Variants in GLCCI1 observed in about 807,000 individuals in gnomAD.
GLCCI1 encodes the protein glucocorticoid-induced transcript 1 protein.
A neutral mutation model predicts 52.2 loss-of-function variants in GLCCI1; 24 were observed. That is an observed-to-expected ratio of 0.46 (90% CI 0.33 to 0.65). The LOEUF (loss-of-function observed/expected upper bound fraction) is 0.65. Ranked by LOEUF, GLCCI1 falls within the 30% of genes least tolerant of loss-of-function variation. The pLI, the probability that GLCCI1 is intolerant of heterozygous loss-of-function variation, is 0.02. For synonymous variants in GLCCI1, 310 were observed against 276.5 expected (o/e 1.12, Z -1.20); for missense variants, 704 against 701.5 (o/e 1.00, Z -0.04).
intron 3 of GLCCI1, among the ~76,000 whole-genome samples, chr7:8,051,025 GAC>G (rs1782247832): frequency 6.6e-6 from 1 of 152,092 alleles, no homozygotes; most frequent in Non-Finnish European, 1.5e-5. Flanking sequence ...ATTGTTAATT[GAC>G]ACAGTCATCA....
intron 3 of GLCCI1, among the ~76,000 whole-genome samples, chr7:8,026,162 T>G (rs553494643): frequency 6.6e-6 from 1 of 152,168 alleles, no homozygotes. Context: ...ATAGTTTCTA[T>G]TTGACTGATA....
At chr7:7,982,876 A>G (rs1344734624) in intron 1 of GLCCI1, among the ~76,000 whole-genome samples, 1 of 152,102 alleles carries the variant, frequency 6.6e-6, no homozygotes, top group Non-Finnish European at 1.5e-5. Flanking sequence ...TGCTGTGAAC[A>G]TTGTCTGTCT....
chr7:7,982,912 C>G (rs892904454), intron 1 of GLCCI1, among the ~76,000 whole-genome samples: 2 of 152,034 alleles, frequency 1.3e-5, no homozygotes, highest in Non-Finnish European at 2.9e-5. Context: ...TGATCATGTG[C>G]TATGAGTATC....
At chr7:8,075,725 T>C (rs988735671) in intron 6 of GLCCI1, among the ~76,000 whole-genome samples, 1 of 152,216 alleles carries the variant, frequency 6.6e-6, no homozygotes, top group Admixed American at 6.5e-5. Context: ...ACATTGATTA[T>C]TGTAATCATG....
At position 8,035,990 on chromosome 7, in the gene GLCCI1, C is replaced by T. The variant is rs113227751; in HGVS notation, c.696+13421C>T. On this transcript the variant is annotated intron_variant, in intron 3 of 7. Coordinates refer to ENST00000223145, the MANE Select transcript of GLCCI1 (RefSeq NM_138426.4). ...GGGGCTGAGCAGAGATCTCAGGCTA[C>T]TGTGCATTACACAGTCTGGCCAATT... Among the ~76,000 whole-genome samples the T allele has an allele frequency of 8.1e-3, 1,236 of 152,342 alleles. 12 individuals are homozygous for T. Among genetic ancestry groups the T allele is most frequent in the Middle Eastern group, 0.017 (5 of 294 alleles).
chr7:7,993,802 A>G (rs1202128168), intron 1 of GLCCI1, among the ~76,000 whole-genome samples: 2 of 152,162 alleles, frequency 1.3e-5, no homozygotes, highest in Non-Finnish European at 2.9e-5. Context: ...AAAAAAAAGA[A>G]AATATTTTAA....
At chr7:8,001,300 C>G (rs1419183332) in intron 1 of GLCCI1, among the ~76,000 whole-genome samples, 1 of 152,146 alleles carries the variant, frequency 6.6e-6, no homozygotes, top group African/African-American at 2.4e-5. Context: ...ACTTATGAAG[C>G]TTAGTTTGGC....
At chr7:7,980,552 T>C (rs1780592007) in intron 1 of GLCCI1, 1 of 532,664 alleles carries the variant, frequency 1.9e-6, no homozygotes, top group South Asian at 2.8e-5. Context: ...ATACAAACTG[T>C]TGATCCTACA....
rs1782390757 is a variant in GLCCI1, at chr7:8,056,020, A to T, written c.813+471A>T. Among the ~76,000 whole-genome samples, 10 of 140,992 alleles carry T rather than the reference A, an allele frequency of 7.1e-5. 1 individual carries two copies. The allele number at this position is 140,992 out of a possible 152,430, so 92.5% of individuals were successfully genotyped here. The stretch of plus-strand genomic sequence containing the variant: ...AAAAAAAAAAAAACAAAAACCAGCC[A>T]GGGGCAGTGGCTCACTCCTGTAATC... On this transcript the variant is annotated intron_variant, in intron 4 of 7. Coordinates refer to ENST00000223145, the MANE Select transcript of GLCCI1 (RefSeq NM_138426.4).
rs948162948 is a variant in GLCCI1 at position 7,990,240 on chromosome 7, G to T, written c.458-13668G>T. On this transcript the variant is annotated intron_variant, in intron 1 of 7. Transcript: ENST00000223145. ...TGAGATTAATTCACTCATTTCTTGG[G>T]CACTTAGGGTGAACAGTGCTCTTTG... 3.9e-5 allele frequency among the ~76,000 whole-genome samples: 6 copies of T among 152,030 alleles called. No individual in the cohort carries two copies. The South Asian group carries it at 1.2e-3, about 31-fold the overall frequency.
chr7:8,030,980 G>T (rs1283896013), intron 3 of GLCCI1, among the ~76,000 whole-genome samples: 1 of 152,016 alleles, frequency 6.6e-6, no homozygotes, highest in Non-Finnish European at 1.5e-5. Context: ...CAGTTTGGAG[G>T]TTTCTTTAAA....
intron 1 of GLCCI1, among the ~76,000 whole-genome samples, chr7:7,993,553 C>G (rs971515357): frequency 1.3e-5 from 2 of 152,178 alleles, no homozygotes; most frequent in African/African-American, 4.8e-5. Flanking sequence ...AGTTTGGCTA[C>G]TATTCTAGAT....
At chr7:8,027,471 G>C (rs1327889337) in intron 3 of GLCCI1, among the ~76,000 whole-genome samples, 1 of 152,070 alleles carries the variant, frequency 6.6e-6, no homozygotes, top group Non-Finnish European at 1.5e-5. Context: ...CTGGGTAACA[G>C]AGTGAAACCC....
At chr7:7,987,188 T>G (rs1466706764) in intron 1 of GLCCI1, among the ~76,000 whole-genome samples, 1 of 152,228 alleles carries the variant, frequency 6.6e-6, no homozygotes, top group Non-Finnish European at 1.5e-5. Context: ...GTGTACCTTG[T>G]GTTCCTGCCA....
intron 2 of GLCCI1, among the ~76,000 whole-genome samples, chr7:8,019,125 C>T (rs1449226834): frequency 6.6e-6 from 1 of 152,126 alleles, no homozygotes; most frequent in Non-Finnish European, 1.5e-5. Flanking sequence ...TTTGTTTTGG[C>T]TAAAATAACT....
chr7:8,003,137 A>C (rs766426211), intron 1 of GLCCI1, among the ~76,000 whole-genome samples: 1 of 152,206 alleles, frequency 6.6e-6, no homozygotes, highest in African/African-American at 2.4e-5. Flanking sequence ...TGTAGGGTTT[A>C]AACTTATGTT....
intron 6 of GLCCI1, among the ~76,000 whole-genome samples, chr7:8,074,812 CAG>C (rs374851246): frequency 1.3e-3 from 202 of 152,196 alleles, no homozygotes; most frequent in African/African-American, 4.6e-3. Flanking sequence ...ATTATGAAAA[CAG>C]AATTAATTAT....
intron 1 of GLCCI1, among the ~76,000 whole-genome samples, chr7:7,974,943 G>A (rs1161577902): frequency 6.6e-6 from 1 of 152,086 alleles, no homozygotes; most frequent in Non-Finnish European, 1.5e-5. Flanking sequence ...CTCTTTTTGT[G>A]CTACATACTG....
At chr7:8,013,225 A>G (rs1430271371) in intron 2 of GLCCI1, among the ~76,000 whole-genome samples, 1 of 152,020 alleles carries the variant, frequency 6.6e-6, no homozygotes, top group African/African-American at 2.4e-5. Context: ...TAATAGTTTT[A>G]TGTTTCTTTT....
Sources: gnomAD v4.1 joint callset for allele counts (sites outside exome capture counted in the v4.1 genomes callset) on GRCh38, gnomAD v4.1.1 for gene constraint, MANE v1.5 for transcripts, NCBI Gene and HGNC (gene_info 2026-07-23, HGNC 2026-07-21) for gene names.